SNRPC: variants seen among roughly 807,000 people sequenced by gnomAD.
The protein encoded by SNRPC is U1 small nuclear ribonucleoprotein C.
A neutral mutation model predicts 20.0 loss-of-function variants in SNRPC; 5 were observed. That is an observed-to-expected ratio of 0.25 (90% confidence interval 0.13 to 0.53). The LOEUF is 0.53. Ranked by LOEUF, SNRPC falls within the 20% of genes least tolerant of loss-of-function variation. SNRPC has a pLI of 0.96. For missense variants in SNRPC, 112 were observed against 224.1 expected, an observed-to-expected ratio of 0.50 and a Z score of 3.19; for synonymous variants, 61 against 58.7, an observed-to-expected ratio of 1.04 and a Z score of -0.18.
At chr6:34,762,130 G>A (rs1245557048) in intron 2 of SNRPC, among the ~76,000 whole-genome samples, 1 of 152,010 alleles carries the variant, frequency 6.6e-6, no homozygotes, top group Non-Finnish European at 1.5e-5. Flanking sequence ...ATTGTGAGAC[G>A]TCATCTCTAC....
rs1322142897 is a variant in SNRPC at position 34,757,536 on chromosome 6, A to G, written c.-8A>G. 6 of 1,613,730 alleles carry G rather than the reference A, an allele frequency of 3.7e-6. No individual in the cohort carries two copies. Among genetic ancestry groups the G allele is most frequent in the Admixed American group, 3.3e-5 (2 of 60,012 alleles). ...CGTAACGGAGTGGCCAACGGCCTGC[A>G]GAGCAACATGCCCAAGTGAGTGGGG... is the stretch of plus-strand genomic sequence containing the variant. On this transcript the variant is annotated 5_prime_UTR_variant, in exon 1 of 6. Transcript: ENST00000244520.
In SNRPC at chr6:34,773,592, G is replaced by A. The variant is rs757880373; in HGVS notation, c.*22G>A. On this transcript the variant is annotated 3_prime_UTR_variant, in exon 6 of 6. Transcript: ENST00000244520. This position sits in a 1 kb window ranked among gnomAD's most constrained non-coding sequence, Gnocchi z 4.1. ...ATAAGGATAGAGGGGAGGCCTTATTGTATCGGTTTTATATTACCTGTTCTG... is the reference window on the plus strand; with the variant it reads ...ATAAGGATAGAGGGGAGGCCTTATTATATCGGTTTTATATTACCTGTTCTG... 18 of 1,609,910 alleles carry A rather than the reference G, an allele frequency of 1.1e-5. No individual in the cohort carries two copies. Among genetic ancestry groups the A allele is most frequent in the Middle Eastern group, 1.6e-4 (1 of 6,078 alleles).
intron 2 of SNRPC, among the ~76,000 whole-genome samples, chr6:34,760,205 C>T (rs939442033): frequency 6.6e-6 from 1 of 150,830 alleles, no homozygotes; most frequent in Non-Finnish European, 1.5e-5. Context: ...CTCTGCGTCC[C>T]AGGCTCAAGC....
intron 2 of SNRPC, among the ~76,000 whole-genome samples, chr6:34,759,019 C>CAAA (rs755576537): frequency 1.0e-3 from 25 of 24,616 alleles, no homozygotes; most frequent in African/African-American, 1.8e-3. Context: ...GACTCCGTCT[C>CAAA]AAAAAAAAAA....
At chr6:34,771,782 G>A (rs2127408239) in intron 5 of SNRPC, among the ~76,000 whole-genome samples, 1 of 152,264 alleles carries the variant, frequency 6.6e-6, no homozygotes, top group South Asian at 2.1e-4. Flanking sequence ...CTTAGAGGAG[G>A]GGGAGAGTGT....
intron 2 of SNRPC, among the ~76,000 whole-genome samples, chr6:34,759,568 C>T (rs574933711): frequency 1.3e-5 from 2 of 152,150 alleles, no homozygotes; most frequent in Non-Finnish European, 2.9e-5. Context: ...AATTTTGTTG[C>T]TTCATTAAGG....
chr6:34,771,909 G>T (rs1434953289), intron 5 of SNRPC, among the ~76,000 whole-genome samples: 1 of 152,186 alleles, frequency 6.6e-6, no homozygotes, highest in Non-Finnish European at 1.5e-5. Context: ...AGGTTTTAGG[G>T]ATGTGGTGAA....
In SNRPC at chr6:34,773,497, C is replaced by A. The variant is rs1465581881; in HGVS notation, c.407C>A (p.Pro136His). ...GGCCATATGCCAATGATGCCTGGGC[C>A]CCCAATGATGAGACCTCCTGCCCGT... ...MGGHMPMMPG[P>H]PMMRPPARPM... Residue 136 changes from proline (P) to histidine (H), a missense_variant, in exon 6 of 6, where the codon CCC becomes CAC. Pro to His is a moderately conservative substitution (Grantham distance 77). Transcript: ENST00000244520. The surrounding 1 kb of genome is among the most constrained non-coding windows in gnomAD (Gnocchi z 4.1). 1 of 1,613,526 alleles carries A rather than the reference C, an allele frequency of 6.2e-7. No individual in the cohort carries two copies. Among genetic ancestry groups the A allele is most frequent in the Non-Finnish European group, 8.5e-7 (1 of 1,179,650 alleles).
At chr6:34,772,664 T>C (rs1764705295) in intron 5 of SNRPC, among the ~76,000 whole-genome samples, 1 of 152,174 alleles carries the variant, frequency 6.6e-6, no homozygotes, top group African/African-American at 2.4e-5. Context: ...TAACGTGAAA[T>C]TATGTGGCGT....
chr6:34,759,287 G>A (rs535120807), intron 2 of SNRPC, among the ~76,000 whole-genome samples: 1 of 152,122 alleles, frequency 6.6e-6, no homozygotes, highest in Admixed American at 6.6e-5. Context: ...AATAAAAATG[G>A]TGTTCCATCA....
intron 3 of SNRPC, among the ~76,000 whole-genome samples, chr6:34,764,202 G>C (rs995457521): frequency 4.0e-5 from 6 of 150,038 alleles, no homozygotes; most frequent in African/African-American, 1.5e-4. Context: ...AAAATTGGCC[G>C]GGCGTGGTGG....
chr6:34,765,743 A>G (rs922613062), intron 3 of SNRPC, among the ~76,000 whole-genome samples: 8 of 150,836 alleles, frequency 5.3e-5, no homozygotes, highest in Admixed American at 3.3e-4. Context: ...ATGCCCAGTC[A>G]CAATTTTTTT....
chr6:34,761,513 ATTTTTT>A (rs869059984), intron 2 of SNRPC, among the ~76,000 whole-genome samples: 21 of 85,646 alleles, frequency 2.5e-4, no homozygotes, highest in Non-Finnish European at 3.8e-4. Flanking sequence ...ACAAGGAACA[ATTTTTT>A]TTTTTTTTTT....
At chr6:34,766,462 G>A (rs7763224) in intron 3 of SNRPC, among the ~76,000 whole-genome samples, 66,660 of 152,136 alleles carry the variant, frequency 0.44, 16,417 homozygotes, top group African/African-American at 0.67. Flanking sequence ...GCCTCCCAAA[G>A]TGCTAGGATT....
At chr6:34,771,284 G>A (rs1301495547) in intron 5 of SNRPC, among the ~76,000 whole-genome samples, 1 of 146,828 alleles carries the variant, frequency 6.8e-6, no homozygotes, top group Admixed American at 6.9e-5. Context: ...AGCTGATATT[G>A]TGCCACTGCA....
rs752295611 is a variant in SNRPC at position 34,767,892 on chromosome 6, T to TC, written c.161-14dup. The stretch of plus-strand genomic sequence containing the variant: ...TTATTCATCTTTTTTTTTTTTTTTT[T>TC]CCTCACCCTCCAAAGCGGCTGCATT... On this transcript the variant is annotated splice_polypyrimidine_tract_variant and intron_variant, in intron 3 of 5. Transcript: ENST00000244520. 102 of 1,472,680 alleles carry TC rather than the reference T, an allele frequency of 6.9e-5. 1 individual carries two copies. The highest frequency in any genetic ancestry group is 6.1e-4 in the African/African-American group (29 of 47,614). The allele number at this position is 1,472,680 out of a possible 1,614,324, so 91.2% of individuals were successfully genotyped here. A position where few individuals can be genotyped will look rare whatever the true frequency, so the allele number is the denominator to read the frequency against.
intron 2 of SNRPC, among the ~76,000 whole-genome samples, 194 bp from the exon 3 acceptor site, chr6:34,762,401 G>C (rs1764549706): frequency 6.6e-6 from 1 of 152,040 alleles, no homozygotes; most frequent in Non-Finnish European, 1.5e-5. Context: ...GGCATAGTTT[G>C]CTGACCTCTG....
chr6:34,764,267 G>T (rs1764583877), intron 3 of SNRPC, among the ~76,000 whole-genome samples: 1 of 150,784 alleles, frequency 6.6e-6, no homozygotes, highest in Admixed American at 6.6e-5. Flanking sequence ...ATCACCTGAA[G>T]TCAGGAGTTC....
At chr6:34,772,293 A>G (rs1178854351) in intron 5 of SNRPC, among the ~76,000 whole-genome samples, 1 of 152,246 alleles carries the variant, frequency 6.6e-6, no homozygotes, top group East Asian at 1.9e-4. Context: ...ATGAAATCCC[A>G]ATGTTGTCAA....
Sources: allele counts gnomAD v4.1 joint callset (sites outside exome capture counted in the v4.1 genomes callset), GRCh38; gene constraint gnomAD v4.1.1; non-coding constraint Gnocchi (gnomAD v3.1); transcripts MANE v1.5; gene names NCBI Gene and HGNC (gene_info 2026-07-23, HGNC 2026-07-21).